AFDN: variants seen among roughly 807,000 people sequenced by gnomAD.
AFDN encodes the protein afadin, adherens junction formation factor.
AFDN carries 68 observed loss-of-function variants against 216.6 expected under a neutral mutation model. That is an observed-to-expected ratio of 0.31 (90% confidence interval 0.26 to 0.38). AFDN has a LOEUF of 0.38. Ranked by LOEUF, AFDN falls within the 10% of genes least tolerant of loss-of-function variation. AFDN has a pLI of 1.00. For missense variants in AFDN, 2,136 were observed against 2,342.0 expected, an observed-to-expected ratio of 0.91 and a Z score of 1.82; for synonymous variants, 868 against 853.7, an observed-to-expected ratio of 1.02 and a Z score of -0.29.
Position 167,880,497 on chromosome 6 carries a change from A to G in AFDN, c.877A>G (p.Lys293Glu). Reference sequence around the variant, plus strand: ...GTATGGTCTGGAAAAAGAAAACCCTAAGGATTACTGCATCGCCCGGGTAAG... The same window carrying G: ...GTATGGTCTGGAAAAAGAAAACCCTGAGGATTACTGCATCGCCCGGGTAAG... ...EKYGLEKENP[K>E]DYCIARVMLP... Residue 293 changes from lysine (K) to glutamate (E), a missense_variant, in exon 6 of 34, where the codon AAG becomes GAG. Lys to Glu is a moderately conservative substitution (Grantham distance 56). Coordinates refer to ENST00000683244, the MANE Select transcript of AFDN (RefSeq NM_001386888.1). The G allele has an allele frequency of 1.2e-6, 2 of 1,613,720 alleles. No individual in the cohort carries two copies. Among genetic ancestry groups the G allele is most frequent in the East Asian group, 2.2e-5 (1 of 44,838 alleles).
intron 1 of AFDN, among the ~76,000 whole-genome samples, chr6:167,837,005 C>T (rs1241513132): frequency 6.6e-6 from 1 of 152,106 alleles, no homozygotes; most frequent in African/African-American, 2.4e-5. Context: ...AAGGTGACTT[C>T]AGTGAGTTCA....
intron 13 of AFDN, among the ~76,000 whole-genome samples, chr6:167,908,106 C>T (rs923957537): frequency 3.9e-5 from 6 of 152,218 alleles, no homozygotes; most frequent in Non-Finnish European, 7.3e-5. Context: ...GCAGCATTCC[C>T]CCTTTGGGGC....
At chr6:167,858,047 G>GT (rs1183350180) in intron 1 of AFDN, among the ~76,000 whole-genome samples, 3 of 152,196 alleles carry the variant, frequency 2.0e-5, no homozygotes, top group Admixed American at 6.5e-5. Flanking sequence ...AATTTCCAGT[G>GT]TATGTCTGTG....
At chr6:167,865,789 T>C (rs147895353) in intron 2 of AFDN, among the ~76,000 whole-genome samples, 5,889 of 152,022 alleles carry the variant, frequency 0.039, 133 homozygotes, top group African/African-American at 0.054. Context: ...CACAGATCTT[T>C]TTTGAACCTT....
intron 1 of AFDN, among the ~76,000 whole-genome samples, chr6:167,844,117 A>G (rs1246015532): frequency 6.6e-6 from 1 of 151,974 alleles, no homozygotes; most frequent in Non-Finnish European, 1.5e-5. Context: ...AGACATAGCC[A>G]CTGTAAGGAA....
intron 21 of AFDN, among the ~76,000 whole-genome samples, chr6:167,920,979 C>CTGTCTGTCCTGTGTTTCAAACGCGTGCT (rs1791719294): frequency 6.6e-6 from 1 of 151,940 alleles, no homozygotes; most frequent in African/African-American, 2.4e-5. Context: ...AAACGCGTGC[C>CTGTCTGTCCTGTGTTTCAAACGCGTGCT]GCTGTCTGTC....
chr6:167,899,243 G>C lies in AFDN; in HGVS notation c.1580+776G>C, dbSNP rs151287479. 8.2e-3 allele frequency among the ~76,000 whole-genome samples: 1,254 copies of C among 152,048 alleles called. 10 individuals are homozygous for C. Among genetic ancestry groups the C allele is most frequent in the Middle Eastern group, 0.014 (4 of 292 alleles). On this transcript the variant is annotated intron_variant, in intron 11 of 33. Transcript: ENST00000683244. ...ATGTCTTTCTCCAAGATGAATACTT[G>C]GTGGGTTATCACATATATTTATTTG...
intron 1 of AFDN, among the ~76,000 whole-genome samples, chr6:167,833,020 C>G (rs1779997636): frequency 6.6e-6 from 1 of 152,204 alleles, no homozygotes; most frequent in African/African-American, 2.4e-5. Flanking sequence ...TAGGTATGAA[C>G]AGGTTGGACT....
chr6:167,966,035 C>T lies in AFDN; in HGVS notation c.5247C>T (p.Cys1749=). The T allele has an allele frequency of 1.3e-6, 2 of 1,545,968 alleles. No individual in the cohort carries two copies. The highest frequency in any genetic ancestry group is 8.7e-7 in the Non-Finnish European group (1 of 1,146,950). The change falls in exon 32 of 34, where the codon TGC becomes TGT. Residue 1749 remains cysteine (C), a synonymous_variant. Transcript: ENST00000683244. ...ATGAGGAGGAGGAGGAGGAGGACTG[C>T]AGCCTAGCAGGTCAGGATAAGTACT... ...AYNEEEEEED[C]SLAGPNSYPG...
At chr6:167,953,007 G>C (rs987423054) in intron 30 of AFDN, among the ~76,000 whole-genome samples, 3 of 152,212 alleles carry the variant, frequency 2.0e-5, no homozygotes, top group Non-Finnish European at 4.4e-5. Flanking sequence ...GCAAGACTTT[G>C]TTACTCTATA....
In AFDN at chr6:167,834,023, A is replaced by G. The variant is rs1433053813; in HGVS notation, c.105+6786A>G. 2.0e-5 allele frequency among the ~76,000 whole-genome samples: 3 copies of G among 152,208 alleles called. No homozygotes were observed. The East Asian group carries it at 5.8e-4, about 29-fold the overall frequency. On this transcript the variant is annotated intron_variant, in intron 1 of 33. Coordinates refer to ENST00000683244, the MANE Select transcript of AFDN (RefSeq NM_001386888.1). Reference sequence around the variant, plus strand: ...TTTTTCAATAATATGATTTTACACGAGCTTTTTAATGAGTTATTAGGTTAC... The same window carrying G: ...TTTTTCAATAATATGATTTTACACGGGCTTTTTAATGAGTTATTAGGTTAC...
At chr6:167,838,910 GTGT>G (rs1198299049) in intron 1 of AFDN, among the ~76,000 whole-genome samples, 1 of 152,234 alleles carries the variant, frequency 6.6e-6, no homozygotes, top group Non-Finnish European at 1.5e-5. Context: ...CACTCTGCTA[GTGT>G]TGTAAGATGC....
At position 167,856,577 on chromosome 6, in the gene AFDN, G is replaced by A. The variant is rs576792114; in HGVS notation, c.106-7974G>A. ...TGGGTAATTCACTCTTTTATAGAAA[G>A]AACTATAGGTCACTGGATAGCCATG... On this transcript the variant is annotated intron_variant, in intron 1 of 33. Transcript: ENST00000683244. Among the ~76,000 whole-genome samples the A allele has an allele frequency of 2.1e-4, 32 of 152,190 alleles. No individual in the cohort carries two copies. The East Asian group carries it at 5.8e-3, about 28-fold the overall frequency.
chr6:167,901,809 G>A (rs1012427710), intron 11 of AFDN, among the ~76,000 whole-genome samples: 5 of 151,750 alleles, frequency 3.3e-5, no homozygotes, highest in Non-Finnish European at 5.9e-5. Flanking sequence ...AAATATGATC[G>A]GGCCGGGCGT....
intron 1 of AFDN, among the ~76,000 whole-genome samples, chr6:167,854,212 G>T (rs1782642907): frequency 6.6e-6 from 1 of 151,834 alleles, no homozygotes; most frequent in African/African-American, 2.4e-5. Context: ...TCATCTTTTT[G>T]TGTATTTAAG....
rs773235452 is a variant in AFDN at position 167,943,122 on chromosome 6, G to A, written c.3100-7G>A. ...AATGCAGTGTTTTCGCCTTGTTTTTGCAATAGGGTGCTGGTCAAGATAAAC... is the reference window on the plus strand; with the variant it reads ...AATGCAGTGTTTTCGCCTTGTTTTTACAATAGGGTGCTGGTCAAGATAAAC... On this transcript the variant is annotated splice_polypyrimidine_tract_variant and splice_region_variant and intron_variant, in intron 23 of 33. Transcript: ENST00000683244. 1.2e-6 allele frequency: 2 copies of A among 1,612,278 alleles called. No individual in the cohort carries two copies. The highest frequency in any genetic ancestry group is 3.4e-5 in the Admixed American group (2 of 59,664).
At chr6:167,925,134 C>G (rs752437152) in intron 23 of AFDN, 43 bp downstream of exon 23, 18 of 1,389,814 alleles carry the variant, frequency 1.3e-5, no homozygotes, top group South Asian at 8.1e-5. Flanking sequence ...TCCAGTCTTT[C>G]GGCATTGAAT....
chr6:167,954,195 A>G (rs1796279430), intron 30 of AFDN, among the ~76,000 whole-genome samples: 1 of 152,244 alleles, frequency 6.6e-6, no homozygotes, highest in Non-Finnish European at 1.5e-5. Flanking sequence ...TTAGTCTCCA[A>G]ATAAGAAAGC....
At position 167,951,881 on chromosome 6, in the gene AFDN, A is replaced by G; in HGVS notation, c.4527A>G (p.Lys1509=). 1 of 1,614,038 alleles carries G rather than the reference A, an allele frequency of 6.2e-7. No homozygotes were observed. Among genetic ancestry groups the G allele is most frequent in the Non-Finnish European group, 8.5e-7 (1 of 1,179,998 alleles). ...RRDLQYITVS[K]EELSSGDSLS... is the part of the protein sequence containing the mutation. ...ACTTGCAGTACATTACAGTCAGCAA[A>G]GAGGAGCTTTCCTCGGGGGACAGTC... Residue 1509 remains lysine (K), a synonymous_variant, in exon 30 of 34, where the codon AAA becomes AAG. Coordinates refer to ENST00000683244, the MANE Select transcript of AFDN (RefSeq NM_001386888.1). This position sits in a 1 kb window ranked among gnomAD's most constrained non-coding sequence, Gnocchi z 7.1.
Sources: gnomAD v4.1 joint callset for allele counts (sites outside exome capture counted in the v4.1 genomes callset) on GRCh38, gnomAD v4.1.1 for gene constraint, Gnocchi (gnomAD v3.1) non-coding constraint, MANE v1.5 for transcripts, NCBI Gene and HGNC (gene_info 2026-07-23, HGNC 2026-07-21) for gene names.